The following NRIP1 variants were observed in gnomAD, a reference collection of about 807,000 sequenced individuals.
NRIP1 encodes nuclear receptor-interacting protein 1.
In NRIP1, 28 loss-of-function variants were observed where a neutral mutation model predicts 75.0. The ratio of observed to expected loss-of-function variants is 0.37; its 90% CI spans 0.28 to 0.51. The LOEUF is 0.51. NRIP1 is among the 20% of genes least tolerant of loss of function. The probability of loss-of-function intolerance (pLI) is 0.92; values close to 1 mark genes in which losing one functional copy is unlikely to be tolerated. For missense variants in NRIP1, 1,435 were observed against 1,343.7 expected (o/e 1.07, Z -1.06); for synonymous variants, 526 against 487.6 (o/e 1.08, Z -1.04).
intron 2 of NRIP1, among the ~76,000 whole-genome samples, chr21:15,026,232 C>A (rs2088517922): frequency 6.6e-6 from 1 of 151,968 alleles, no homozygotes; most frequent in Non-Finnish European, 1.5e-5. Context: ...GGGCATAGGA[C>A]ATAATAAGAA....
intron 3 of NRIP1, among the ~76,000 whole-genome samples, chr21:15,000,842 T>G (rs2087833113): frequency 6.6e-6 from 1 of 152,322 alleles, no homozygotes; most frequent in Non-Finnish European, 1.5e-5. Context: ...ATAGTCTGAA[T>G]TTTGTAAGGG....
At chr21:15,034,606 A>G (rs1045986611) in intron 2 of NRIP1, among the ~76,000 whole-genome samples, 12 of 152,190 alleles carry the variant, frequency 7.9e-5, no homozygotes, top group African/African-American at 2.9e-4. Context: ...AGATATTTGC[A>G]AAAATGAAAT....
intron 3 of NRIP1, among the ~76,000 whole-genome samples, chr21:14,969,163 A>G (rs1425797764): frequency 6.6e-6 from 1 of 152,210 alleles, no homozygotes; most frequent in Non-Finnish European, 1.5e-5. Context: ...ATATTCATAA[A>G]CATTAAAATA....
At chr21:15,060,120 T>A (rs1486438364) in intron 1 of NRIP1, among the ~76,000 whole-genome samples, 1 of 152,130 alleles carries the variant, frequency 6.6e-6, no homozygotes, top group East Asian at 1.9e-4. Context: ...ATAGAGTATG[T>A]ACCATAACAG....
At chr21:15,011,540 G>A (rs1400832825) in intron 3 of NRIP1, among the ~76,000 whole-genome samples, 1 of 152,052 alleles carries the variant, frequency 6.6e-6, no homozygotes, top group Non-Finnish European at 1.5e-5. Context: ...TGTCTGACAG[G>A]AAAGTTTTAA....
At chr21:15,025,287 G>C (rs1042933349) in intron 2 of NRIP1, among the ~76,000 whole-genome samples, 2 of 152,072 alleles carry the variant, frequency 1.3e-5, no homozygotes, top group African/African-American at 2.4e-5. Flanking sequence ...CTCACTATAA[G>C]AGGAGGTACA....
At chr21:15,048,076 C>G (rs2089125183) in intron 1 of NRIP1, among the ~76,000 whole-genome samples, 1 of 152,206 alleles carries the variant, frequency 6.6e-6, no homozygotes, top group Non-Finnish European at 1.5e-5. Flanking sequence ...TCAGACCACA[C>G]TGAACAAGTT....
At position 15,055,755 on chromosome 21, in the gene NRIP1, G is replaced by A. The variant is rs558468737; in HGVS notation, c.-538+8990C>T. ...ATCAAGATTTGACTGACCATCCTAG[G>A]TCTACCCAACTGCTAGCTGAATGAC... On this transcript the variant is annotated intron_variant, in intron 1 of 3. Coordinates refer to ENST00000318948, the MANE Select transcript of NRIP1 (RefSeq NM_003489.4). 1.8e-4 allele frequency among the ~76,000 whole-genome samples: 28 copies of A among 152,176 alleles called. No homozygotes were observed. In the South Asian group the frequency reaches 5.8e-3, roughly 32 times the overall value.
chr21:15,048,006 G>A (rs1017064060), intron 1 of NRIP1, among the ~76,000 whole-genome samples: 1 of 152,074 alleles, frequency 6.6e-6, no homozygotes, highest in Non-Finnish European at 1.5e-5. Context: ...TGTGTCTCAA[G>A]GAACAGGGAA....
chr21:14,967,957 A>C lies in NRIP1; in HGVS notation c.236T>G (p.Leu79Arg). 1 of 1,614,036 alleles carries C rather than the reference A, an allele frequency of 6.2e-7. No individual in the cohort carries two copies. Among genetic ancestry groups the C allele is most frequent in the African/African-American group, 1.3e-5 (1 of 75,050 alleles). ...CAACAGTCTGGCTTTTTTGAGGTGCAGCATGCCAGACCCCTGATATGTATG... is the reference window on the plus strand; with the variant it reads ...CAACAGTCTGGCTTTTTTGAGGTGCCGCATGCCAGACCCCTGATATGTATG... ...NTHTYQGSGMLHLKKARLLQS... is the reference protein window; with the variant it reads ...NTHTYQGSGMRHLKKARLLQS... The change falls in exon 4 of 4, where the codon CTG becomes CGG. Residue 79 changes from leucine (L) to arginine (R), a missense_variant. By Grantham distance (102) the Leu-to-Arg change is moderately radical (BLOSUM62 -2). Coordinates refer to ENST00000318948, the MANE Select transcript of NRIP1 (RefSeq NM_003489.4).
At chr21:14,970,324 T>C (rs1047230830) in intron 3 of NRIP1, among the ~76,000 whole-genome samples, 1 of 152,224 alleles carries the variant, frequency 6.6e-6, no homozygotes, top group African/African-American at 2.4e-5. Context: ...GGTGGGTGGA[T>C]CGCCTGAGGT....
At chr21:15,050,829 A>G (rs1282045557) in intron 1 of NRIP1, 7 of 455,934 alleles carry the variant, frequency 1.5e-5, no homozygotes, top group African/African-American at 1.0e-4. Context: ...ATCCACAGCG[A>G]TACCTCCTCT....
intron 2 of NRIP1, among the ~76,000 whole-genome samples, chr21:15,033,310 CT>C (rs2088754902): frequency 6.8e-6 from 1 of 148,106 alleles, no homozygotes; most frequent in Non-Finnish European, 1.5e-5. Flanking sequence ...TATGGTAATT[CT>C]CAAATAACTC....
chr21:14,998,262 C>A (rs1022394001), intron 3 of NRIP1, among the ~76,000 whole-genome samples: 3 of 152,302 alleles, frequency 2.0e-5, no homozygotes, highest in African/African-American at 4.8e-5. Flanking sequence ...AGTCTTTAAC[C>A]TGAATATTTA....
At chr21:15,034,011 C>A (rs1033545782) in intron 2 of NRIP1, among the ~76,000 whole-genome samples, 1 of 152,158 alleles carries the variant, frequency 6.6e-6, no homozygotes, top group Non-Finnish European at 1.5e-5. Flanking sequence ...CCACTAGACT[C>A]TTTAAATAAA....
At chr21:15,038,039 A>G (rs1301027563) in intron 2 of NRIP1, among the ~76,000 whole-genome samples, 2 of 152,256 alleles carry the variant, frequency 1.3e-5, no homozygotes, top group Middle Eastern at 3.4e-3. Context: ...TCCAATGAAA[A>G]TGATTATTGA....
chr21:15,060,210 G>A (rs1011383946), intron 1 of NRIP1, among the ~76,000 whole-genome samples: 38 of 152,168 alleles, frequency 2.5e-4, no homozygotes, highest in African/African-American at 8.9e-4. Context: ...TTCATAACTC[G>A]TAGTAAAACA....
At chr21:14,979,188 G>T (rs1446823567) in intron 3 of NRIP1, among the ~76,000 whole-genome samples, 2 of 152,206 alleles carry the variant, frequency 1.3e-5, no homozygotes, top group Non-Finnish European at 2.9e-5. Context: ...AACAGAGAGT[G>T]TTTGCTTCTC....
intron 2 of NRIP1, among the ~76,000 whole-genome samples, chr21:15,024,318 G>A (rs1231821934): frequency 2.0e-5 from 3 of 152,128 alleles, no homozygotes; most frequent in South Asian, 4.1e-4. Flanking sequence ...TAAGGTGGGT[G>A]GATCATTTGA....
Sources: gnomAD v4.1 joint callset for allele counts (sites outside exome capture counted in the v4.1 genomes callset) on GRCh38, gnomAD v4.1.1 for gene constraint, MANE v1.5 for transcripts, NCBI Gene and HGNC (gene_info 2026-07-23, HGNC 2026-07-21) for gene names.